Variants in PHYHIPL observed in about 807,000 individuals in gnomAD.
The protein encoded by PHYHIPL is phytanoyl-CoA 2-hydroxylase interacting protein like.
In PHYHIPL, 9 loss-of-function variants were observed where a neutral mutation model predicts 33.4. The ratio of observed to expected loss-of-function variants is 0.27; its 90% CI spans 0.16 to 0.47. The LOEUF is 0.47. Ranked by LOEUF, PHYHIPL falls within the 20% of genes least tolerant of loss-of-function variation. The pLI is 0.99. For missense variants in PHYHIPL, 365 were observed against 460.7 expected (o/e 0.79, Z 1.90); for synonymous variants, 153 against 154.1 (o/e 0.99, Z 0.05).
At chr10:59,218,628 A>G (rs1839679981) in intron 1 of PHYHIPL, among the ~76,000 whole-genome samples, 1 of 152,112 alleles carries the variant, frequency 6.6e-6, no homozygotes, top group Non-Finnish European at 1.5e-5. Flanking sequence ...CCTTCAAAGA[A>G]TAGGTTAAAA....
intron 1 of PHYHIPL, among the ~76,000 whole-genome samples, chr10:59,209,571 C>G (rs1839387815): frequency 6.6e-6 from 1 of 152,162 alleles, no homozygotes; most frequent in Non-Finnish European, 1.5e-5. Flanking sequence ...CAAATTCACA[C>G]ATAACAATAT....
intron 2 of PHYHIPL, among the ~76,000 whole-genome samples, chr10:59,235,464 T>C (rs999265827): frequency 4.6e-5 from 7 of 151,836 alleles, no homozygotes; most frequent in Admixed American, 2.6e-4. Flanking sequence ...GTAGATACTT[T>C]GGAACTTTCT....
At chr10:59,231,182 A>G (rs1483120153) in intron 1 of PHYHIPL, among the ~76,000 whole-genome samples, 2 of 152,188 alleles carry the variant, frequency 1.3e-5, no homozygotes, top group Non-Finnish European at 2.9e-5. Context: ...AAGACACACA[A>G]GCACAACATA....
upstream of PHYHIPL, chr10:59,176,564 A>T (rs1377792739): frequency 9.9e-5 from 10 of 100,738 alleles, no homozygotes; most frequent in African/African-American, 1.1e-3. Flanking sequence ...CCTATACATC[A>T]CGTTCCCCGA....
At chr10:59,233,066 G>T (rs538151565) in intron 1 of PHYHIPL, among the ~76,000 whole-genome samples, 35 of 151,980 alleles carry the variant, frequency 2.3e-4, no homozygotes, top group African/African-American at 8.2e-4. Flanking sequence ...GGAGAAATGG[G>T]ACTGTGAAGA....
intron 1 of PHYHIPL, among the ~76,000 whole-genome samples, chr10:59,230,356 G>C (rs1840044799): frequency 6.6e-6 from 1 of 151,698 alleles, no homozygotes; most frequent in Admixed American, 6.6e-5. Context: ...TGGGACTACA[G>C]GCATGTGCCA....
Position 59,245,881 on chromosome 10 carries a change from C to A in PHYHIPL, c.*290C>A. ...TATGTTTCCTTTATGCCAAACATAA[C>A]AAAACAGTTATATAGACTGCTTTAG... On this transcript the variant is annotated 3_prime_UTR_variant, in exon 5 of 5. Coordinates refer to ENST00000373880, the MANE Select transcript of PHYHIPL (RefSeq NM_032439.4). 1 of 345,418 alleles carries A rather than the reference C, an allele frequency of 2.9e-6. No individual in the cohort carries two copies. Among genetic ancestry groups the A allele is most frequent in the Non-Finnish European group, 5.3e-6 (1 of 188,380 alleles). The allele number at this position is 345,418 out of a possible 1,614,324, so 21.4% of individuals were successfully genotyped here.
At position 59,245,818 on chromosome 10, in the gene PHYHIPL, C is replaced by G. The variant is rs1209139972; in HGVS notation, c.*227C>G. 1 of 494,212 alleles carries G rather than the reference C, an allele frequency of 2.0e-6. No individual in the cohort carries two copies. The highest frequency in any genetic ancestry group is 3.5e-6 in the Non-Finnish European group (1 of 281,734). The allele number at this position is 494,212 out of a possible 1,614,324, so 30.6% of individuals were successfully genotyped here. A position where few individuals can be genotyped will look rare whatever the true frequency, so the allele number is the denominator to read the frequency against. ...GATGAAATACCCTAAGTTAAGTTCT[C>G]CTTTTGACACTTTATTGCCTAGATG... On this transcript the variant is annotated 3_prime_UTR_variant, in exon 5 of 5. Coordinates refer to ENST00000373880, the MANE Select transcript of PHYHIPL (RefSeq NM_032439.4).
intron 1 of PHYHIPL, among the ~76,000 whole-genome samples, chr10:59,199,231 A>G (rs1347578859): frequency 6.6e-6 from 1 of 151,724 alleles, no homozygotes; most frequent in Non-Finnish European, 1.5e-5. Context: ...ACTAATTTTT[A>G]TATAAGATAT....
intron 1 of PHYHIPL, among the ~76,000 whole-genome samples, chr10:59,226,383 C>G (rs1039608050): frequency 6.6e-6 from 1 of 152,082 alleles, no homozygotes; most frequent in East Asian, 1.9e-4. Context: ...AATAATCAAG[C>G]CTTTATTCAT....
intron 4 of PHYHIPL, among the ~76,000 whole-genome samples, chr10:59,241,406 T>C (rs955330202): frequency 2.6e-5 from 4 of 152,154 alleles, no homozygotes; most frequent in African/African-American, 4.8e-5. Context: ...TAAATGAACA[T>C]TACTTTCCCA....
chr10:59,182,678 G>A (rs143978793), intron 1 of PHYHIPL, among the ~76,000 whole-genome samples: 3 of 152,270 alleles, frequency 2.0e-5, no homozygotes, highest in Non-Finnish European at 2.9e-5. Flanking sequence ...TAAAATCAGT[G>A]TTTGGAGACA....
intron 2 of PHYHIPL, among the ~76,000 whole-genome samples, chr10:59,234,823 G>T (rs924818759): frequency 9.2e-5 from 14 of 151,764 alleles, no homozygotes; most frequent in Admixed American, 2.0e-4. Context: ...CCAGTTCAAA[G>T]GGAAATCCAA....
At chr10:59,180,362 A>G (rs946174937) in intron 1 of PHYHIPL, among the ~76,000 whole-genome samples, 1 of 97,030 alleles carries the variant, frequency 1.0e-5, no homozygotes, top group Non-Finnish European at 2.1e-5. Context: ...ATATATATAT[A>G]CTTTTTCTTC....
At chr10:59,208,223 A>C (rs958629523) in intron 1 of PHYHIPL, among the ~76,000 whole-genome samples, 1 of 152,190 alleles carries the variant, frequency 6.6e-6, no homozygotes, top group African/African-American at 2.4e-5. Context: ...TTCTAGAGGA[A>C]GGAACAGGCA....
At chr10:59,233,356 T>A (rs2133283801) in intron 1 of PHYHIPL, among the ~76,000 whole-genome samples, 1 of 152,000 alleles carries the variant, frequency 6.6e-6, no homozygotes, top group South Asian at 2.1e-4. Flanking sequence ...TTTTGTTGAA[T>A]AACATTTTAT....
rs1838261484 is a variant in PHYHIPL at position 59,176,756 on chromosome 10, C to G, written c.-98C>G. ...CCGCGTCCCAGGCCTCCTTCCCTCC[C>G]TCTGCCACTCCCCCTCCCTTTCCCG... On this transcript the variant is annotated 5_prime_UTR_variant, in exon 1 of 5. Coordinates refer to ENST00000373880, the MANE Select transcript of PHYHIPL (RefSeq NM_032439.4). The G allele has an allele frequency of 7.0e-6, 8 of 1,135,228 alleles. No individual in the cohort carries two copies. Among genetic ancestry groups the G allele is most frequent in the Non-Finnish European group, 8.8e-6 (7 of 798,628 alleles). 70.3% of individuals were successfully genotyped at this position (1,135,228 alleles called of 1,614,324 possible).
At position 59,215,770 on chromosome 10, in the gene PHYHIPL, G is replaced by A. The variant is rs556674681; in HGVS notation, c.107-18534G>A. ...GTAATAGTTAAGCTGAGGCTAAAGG[G>A]TGGAAGGAGTAGCTTTTTAAAAACT... On this transcript the variant is annotated intron_variant, in intron 1 of 4. Coordinates refer to ENST00000373880, the MANE Select transcript of PHYHIPL (RefSeq NM_032439.4). Among the ~76,000 whole-genome samples the A allele has an allele frequency of 1.4e-4, 21 of 151,984 alleles. No individual in the cohort carries two copies. The South Asian group carries it at 4.4e-3, about 31-fold the overall frequency.
intron 1 of PHYHIPL, among the ~76,000 whole-genome samples, chr10:59,200,764 C>T (rs1839078370): frequency 1.3e-5 from 2 of 152,150 alleles, no homozygotes; most frequent in Admixed American, 6.5e-5. Context: ...AGCCATTCAA[C>T]TTCTTCCTGG....
Sources: gnomAD v4.1 joint callset for allele counts (sites outside exome capture counted in the v4.1 genomes callset) on GRCh38, gnomAD v4.1.1 for gene constraint, MANE v1.5 for transcripts, NCBI Gene and HGNC (gene_info 2026-07-23, HGNC 2026-07-21) for gene names.